The following CDH13 variants were observed in gnomAD, a reference collection of about 807,000 sequenced individuals.
The protein encoded by CDH13 is cadherin-13.
A neutral mutation model predicts 63.8 loss-of-function variants in CDH13; 24 were observed. The ratio of observed to expected loss-of-function variants is 0.38; its 90% CI spans 0.27 to 0.53. CDH13 has a LOEUF of 0.53. Ranked by LOEUF, CDH13 falls within the 20% of genes least tolerant of loss-of-function variation. CDH13 has a pLI of 0.85. For missense variants in CDH13, 1,049 were observed against 903.1 expected (o/e 1.16, Z -2.07); for synonymous variants, 503 against 355.3 (o/e 1.42, Z -4.67).
At chr16:82,894,749 A>G (rs187082435) in intron 2 of CDH13, among the ~76,000 whole-genome samples, 1 of 152,264 alleles carries the variant, frequency 6.6e-6, no homozygotes, top group East Asian at 1.9e-4. Context: ...GGCTGTAGCT[A>G]GCATGGCCAC....
intron 4 of CDH13, among the ~76,000 whole-genome samples, chr16:83,203,445 C>G (rs537411073): frequency 4.2e-4 from 64 of 151,726 alleles, no homozygotes; most frequent in South Asian, 3.8e-3. Flanking sequence ...CCAGCACTTT[C>G]GGAGGCCAAG....
chr16:83,007,931 C>G (rs75396718), intron 2 of CDH13, among the ~76,000 whole-genome samples: 4,877 of 152,062 alleles, frequency 0.032, 107 homozygotes, highest in Non-Finnish European at 0.045. Flanking sequence ...AACATTAAGT[C>G]AGGTTATATT....
chr16:83,025,608 G>A lies in CDH13; in HGVS notation c.158-6402G>A, dbSNP rs116553340. Among the ~76,000 whole-genome samples, 472 of 152,264 alleles carry A rather than the reference G, an allele frequency of 3.1e-3. 1 individual carries two copies. The highest frequency in any genetic ancestry group is 0.011 in the African/African-American group (456 of 41,558). On this transcript the variant is annotated intron_variant, in intron 2 of 13. Transcript: ENST00000567109. ...TTATAGGAACTACAATTCAAGATGA[G>A]ATTTTGGTGGGGACACAGCCAAACC...
intron 1 of CDH13, among the ~76,000 whole-genome samples, chr16:82,664,287 G>T (rs1198246521): frequency 6.6e-6 from 1 of 152,246 alleles, no homozygotes; most frequent in South Asian, 2.1e-4. Context: ...TAGGAGGGTT[G>T]TTGGAAGACA....
intron 10 of CDH13, among the ~76,000 whole-genome samples, chr16:83,732,177 C>A (rs1171999547): frequency 6.6e-6 from 1 of 152,220 alleles, no homozygotes; most frequent in Non-Finnish European, 1.5e-5. Context: ...TGTCTGATCA[C>A]ACAACCGGTG....
intron 5 of CDH13, among the ~76,000 whole-genome samples, chr16:83,253,703 G>A (rs1331276433): frequency 6.6e-6 from 1 of 152,206 alleles, no homozygotes; most frequent in Non-Finnish European, 1.5e-5. Flanking sequence ...TTAATACACA[G>A]GACATGCTTA....
At chr16:83,732,174 T>A (rs1911101864) in intron 10 of CDH13, among the ~76,000 whole-genome samples, 1 of 152,178 alleles carries the variant, frequency 6.6e-6, no homozygotes, top group Admixed American at 6.5e-5. Context: ...GAATGTCTGA[T>A]CACACAACCG....
At chr16:83,076,470 A>G (rs897279201) in intron 3 of CDH13, among the ~76,000 whole-genome samples, 7 of 152,200 alleles carry the variant, frequency 4.6e-5, no homozygotes, top group African/African-American at 1.4e-4. Context: ...CTGACATTTC[A>G]TAAAATCATT....
chr16:82,834,204 C>G (rs1458135493), intron 1 of CDH13, among the ~76,000 whole-genome samples: 3 of 152,186 alleles, frequency 2.0e-5, no homozygotes, highest in Admixed American at 1.3e-4. Flanking sequence ...GATAGGCTGA[C>G]ACATCTTTCA....
chr16:83,032,632 C>G (rs1010801393), intron 3 of CDH13, among the ~76,000 whole-genome samples: 4 of 152,136 alleles, frequency 2.6e-5, no homozygotes, highest in East Asian at 1.9e-4. Context: ...GAGAAAGCAT[C>G]TCTTCAAGAC....
At position 82,945,888 on chromosome 16, in the gene CDH13, G is replaced by A. The variant is rs1031823024; in HGVS notation, c.158-86122G>A. On this transcript the variant is annotated intron_variant, in intron 2 of 13. Transcript: ENST00000567109. ...CTCTTCCTCTGAGTCATTTCCTAGGGACACTCTCAGTTCCTTTGGTGGCCA... is the reference window on the plus strand; with the variant it reads ...CTCTTCCTCTGAGTCATTTCCTAGGAACACTCTCAGTTCCTTTGGTGGCCA... Among the ~76,000 whole-genome samples the A allele has an allele frequency of 3.3e-5, 5 of 152,066 alleles. No individual in the cohort carries two copies. In the South Asian group the frequency reaches 6.2e-4, roughly 19 times the overall value.
At chr16:82,685,431 C>T (rs565237144) in intron 1 of CDH13, among the ~76,000 whole-genome samples, 4 of 152,268 alleles carry the variant, frequency 2.6e-5, no homozygotes, top group African/African-American at 9.6e-5. Flanking sequence ...TCCCAAAGGC[C>T]CTGCCTCCTA....
chr16:83,350,123 G>A (rs1009137038), intron 6 of CDH13, among the ~76,000 whole-genome samples: 3 of 152,304 alleles, frequency 2.0e-5, no homozygotes, highest in Non-Finnish European at 2.9e-5. Flanking sequence ...CCAGCTGTGC[G>A]CAAGGGAAAC....
intron 2 of CDH13, among the ~76,000 whole-genome samples, chr16:82,927,596 C>G (rs543517387): frequency 1.3e-5 from 2 of 152,290 alleles, no homozygotes; most frequent in East Asian, 1.9e-4. Context: ...TTACATTTTA[C>G]TTTTCGGCCT....
At chr16:82,868,319 C>G (rs1225201667) in intron 2 of CDH13, among the ~76,000 whole-genome samples, 3 of 152,166 alleles carry the variant, frequency 2.0e-5, no homozygotes, top group Non-Finnish European at 2.9e-5. Flanking sequence ...TATGCTTTCA[C>G]AGGTTTTCCC....
At chr16:83,531,225 T>C (rs980589747) in intron 7 of CDH13, among the ~76,000 whole-genome samples, 10 of 152,236 alleles carry the variant, frequency 6.6e-5, no homozygotes, top group South Asian at 2.1e-4. Flanking sequence ...TGTTTACATG[T>C]AACTAGGCCT....
intron 5 of CDH13, among the ~76,000 whole-genome samples, chr16:83,309,505 G>A (rs1488191354): frequency 6.6e-6 from 1 of 152,124 alleles, no homozygotes. Context: ...GCCTCCTGAG[G>A]AGGTGGGATT....
intron 2 of CDH13, among the ~76,000 whole-genome samples, chr16:83,027,111 C>CG (rs1441610751): frequency 6.9e-6 from 1 of 144,464 alleles, no homozygotes; most frequent in African/African-American, 2.6e-5. Context: ...GACCCCCCCC[C>CG]CCCACCGCCC....
chr16:83,436,198 A>G (rs751856574), intron 6 of CDH13, among the ~76,000 whole-genome samples: 2 of 152,196 alleles, frequency 1.3e-5, no homozygotes, highest in African/African-American at 4.8e-5. Flanking sequence ...AATAAAAACT[A>G]TAGGGAACAA....
Sources: gnomAD v4.1 joint callset for allele counts (sites outside exome capture counted in the v4.1 genomes callset) on GRCh38, gnomAD v4.1.1 for gene constraint, MANE v1.5 for transcripts, NCBI Gene and HGNC (gene_info 2026-07-23, HGNC 2026-07-21) for gene names.